The following DDX31 variants were observed in gnomAD, a reference collection of about 807,000 sequenced individuals.
DDX31 encodes the protein DEAD-box helicase 31.
DDX31 carries 70 observed loss-of-function variants against 91.3 expected under a neutral mutation model. That is an observed-to-expected ratio of 0.77 (90% CI 0.63 to 0.94). The LOEUF (loss-of-function observed/expected upper bound fraction) is 0.94. DDX31 is among the 40% of genes least tolerant of loss of function. The pLI is 0.00. For missense variants in DDX31, 902 were observed against 925.0 expected, an observed-to-expected ratio of 0.98 and a Z score of 0.32; for synonymous variants, 362 against 350.6, an observed-to-expected ratio of 1.03 and a Z score of -0.36.
intron 14 of DDX31, 68 bp downstream of exon 14, chr9:132,641,936 A>C (rs770919064): frequency 1.1e-5 from 17 of 1,524,546 alleles, no homozygotes; most frequent in Non-Finnish European, 1.5e-5. Flanking sequence ...AACTGTCAAG[A>C]GACGAAAGAT....
chr9:132,654,387 G>C (rs546507001), intron 6 of DDX31, among the ~76,000 whole-genome samples: 14 of 152,296 alleles, frequency 9.2e-5, no homozygotes, highest in African/African-American at 3.1e-4. Flanking sequence ...GAGGTGGGTG[G>C]ATTACTTGAG....
chr9:132,619,441 T>C (rs747092077), intron 17 of DDX31, among the ~76,000 whole-genome samples: 1 of 152,094 alleles, frequency 6.6e-6, no homozygotes, highest in South Asian at 2.1e-4. Flanking sequence ...CTTAACCTTG[T>C]AGAGGACGGT....
intron 14 of DDX31, among the ~76,000 whole-genome samples, chr9:132,641,767 C>T (rs1833517254): frequency 6.6e-6 from 1 of 152,104 alleles, no homozygotes; most frequent in African/African-American, 2.4e-5. Context: ...ATTTTCAGAC[C>T]AACAGCTGCC....
chr9:132,595,059 C>T lies in DDX31; in HGVS notation c.2048G>A (p.Arg683His), dbSNP rs975105803. The T allele has an allele frequency of 1.5e-5, 24 of 1,614,084 alleles. No homozygotes were observed. Among genetic ancestry groups the T allele is most frequent in the African/African-American group, 8.0e-5 (6 of 74,930 alleles). ...QSKHSLAEIL[R>H]SEYSSGMEAD... ...CTCCATGCCGCTTGAGTATTCCGAA[C>T]GTAGGATTTCAGCGAGGCTGTGTTT... The change falls in exon 20 of 20, where the codon CGT becomes CAT. Residue 683 changes from arginine to histidine, a missense_variant. Transcript: ENST00000372159. The surrounding 1 kb of genome is among the most constrained non-coding windows in gnomAD (Gnocchi z 4.6).
At chr9:132,618,517 A>G (rs922919894) in intron 17 of DDX31, 76 bp from the exon 18 acceptor site, 14 of 1,274,206 alleles carry the variant, frequency 1.1e-5, no homozygotes, top group Non-Finnish European at 1.4e-5. Context: ...TAATAGATTT[A>G]ATAACAGTAA....
At position 132,640,430 on chromosome 9, in the gene DDX31, G is replaced by A. The variant is rs534503994; in HGVS notation, c.1440+1574C>T. The stretch of plus-strand genomic sequence containing the variant: ...AGCAAGGGGGAGTAGGGTGAAAAGA[G>A]ACAAATAGGGGTCAGGTTCCACAAA... On this transcript the variant is annotated intron_variant, in intron 14 of 19. Coordinates refer to ENST00000372159, the MANE Select transcript of DDX31 (RefSeq NM_022779.9). Among the ~76,000 whole-genome samples the A allele has an allele frequency of 2.6e-5, 4 of 152,268 alleles. No homozygotes were observed. In the South Asian group the frequency reaches 8.3e-4, roughly 32 times the overall value.
At chr9:132,602,392 A>G (rs1371999704) in intron 19 of DDX31, among the ~76,000 whole-genome samples, 1 of 152,240 alleles carries the variant, frequency 6.6e-6, no homozygotes, top group African/African-American at 2.4e-5. Context: ...CAGGGCAGAC[A>G]GCTGTTTATC....
chr9:132,636,616 A>G lies in DDX31; in HGVS notation c.1441-4525T>C, dbSNP rs551874759. ...GCCAGCAGCCTGTCATTGTGTCTTC[A>G]AGGCTCTATTTCCTACCTGGGTGAC... On this transcript the variant is annotated intron_variant, in intron 14 of 19. Transcript: ENST00000372159. Among the ~76,000 whole-genome samples the G allele has an allele frequency of 9.2e-5, 14 of 152,308 alleles. No individual in the cohort carries two copies. The South Asian group carries it at 2.9e-3, about 32-fold the overall frequency.
At chr9:132,621,774 G>A (rs953071661) in intron 17 of DDX31, among the ~76,000 whole-genome samples, 2 of 152,122 alleles carry the variant, frequency 1.3e-5, no homozygotes, top group Non-Finnish European at 2.9e-5. Flanking sequence ...CTACTGACAT[G>A]AATCACACAT....
At chr9:132,645,662 G>C (rs1833783714) in intron 13 of DDX31, among the ~76,000 whole-genome samples, 1 of 152,150 alleles carries the variant, frequency 6.6e-6, no homozygotes, top group African/African-American at 2.4e-5. Context: ...CCAGCTCCCA[G>C]AGCAAAAGCA....
intron 1 of DDX31, among the ~76,000 whole-genome samples, chr9:132,667,950 T>C (rs2130873158): frequency 6.6e-6 from 1 of 152,332 alleles, no homozygotes; most frequent in South Asian, 2.1e-4. Flanking sequence ...ATTGTTCTCA[T>C]TTTATAGATA....
At chr9:132,642,390 C>T (rs1394469337) in intron 13 of DDX31, among the ~76,000 whole-genome samples, 1 of 152,098 alleles carries the variant, frequency 6.6e-6, no homozygotes, top group Non-Finnish European at 1.5e-5. Flanking sequence ...TTCAAGCCTG[C>T]GTGCAATTTA....
intron 1 of DDX31, chr9:132,663,287 G>A (rs1265463264): frequency 2.2e-5 from 29 of 1,288,944 alleles, no homozygotes; most frequent in South Asian, 1.7e-4. Context: ...AGATTCAGAC[G>A]GCCTGGAGAA....
intron 19 of DDX31, among the ~76,000 whole-genome samples, chr9:132,597,556 G>A (rs1042606090): frequency 1.3e-5 from 2 of 152,168 alleles, no homozygotes; most frequent in East Asian, 1.9e-4. Flanking sequence ...GCACTTCAAC[G>A]ATGGCTCCTG....
At chr9:132,666,376 T>C (rs965458662) in intron 1 of DDX31, among the ~76,000 whole-genome samples, 3 of 151,988 alleles carry the variant, frequency 2.0e-5, no homozygotes, top group Non-Finnish European at 4.4e-5. Context: ...ACATCATGTG[T>C]AGTGATTCCA....
intron 14 of DDX31, among the ~76,000 whole-genome samples, chr9:132,636,951 G>A (rs181444270): frequency 1.9e-4 from 29 of 152,264 alleles, no homozygotes; most frequent in Middle Eastern, 6.8e-3. Flanking sequence ...TGCTATGTAC[G>A]TCATGAGGTT....
chr9:132,602,204 T>C (rs904881746), intron 19 of DDX31, among the ~76,000 whole-genome samples: 2 of 152,198 alleles, frequency 1.3e-5, no homozygotes, highest in African/African-American at 4.8e-5. Flanking sequence ...GGTCCATGAA[T>C]GGACAGCCCT....
intron 1 of DDX31, among the ~76,000 whole-genome samples, chr9:132,668,767 A>C (rs971295308): frequency 3.3e-5 from 5 of 152,002 alleles, no homozygotes; most frequent in Non-Finnish European, 7.4e-5. Flanking sequence ...CGGGGGTTTC[A>C]TCTTGTTAGC....
intron 14 of DDX31, among the ~76,000 whole-genome samples, chr9:132,636,930 T>C (rs1833155606): frequency 6.6e-6 from 1 of 152,216 alleles, no homozygotes; most frequent in Non-Finnish European, 1.5e-5. Context: ...ATAAAATGGC[T>C]GGGAGAACCA....
Sources: allele counts gnomAD v4.1 joint callset (sites outside exome capture counted in the v4.1 genomes callset), GRCh38; gene constraint gnomAD v4.1.1; non-coding constraint Gnocchi (gnomAD v3.1); transcripts MANE v1.5; gene names NCBI Gene and HGNC (gene_info 2026-07-23, HGNC 2026-07-21).